SNAP91: variants seen among roughly 807,000 people sequenced by gnomAD.
SNAP91 encodes synaptosome associated protein 91, also known as clathrin coat assembly protein AP180.
SNAP91 carries 27 observed loss-of-function variants against 100.3 expected under a neutral mutation model. The observed-to-expected ratio is 0.27, with a 90% CI of 0.20 to 0.37. SNAP91 has a LOEUF of 0.37. Ranked by LOEUF, SNAP91 falls within the 10% of genes least tolerant of loss-of-function variation. The pLI is 1.00. For synonymous variants in SNAP91, 404 were observed against 398.6 expected, an observed-to-expected ratio of 1.01 and a Z score of -0.16; for missense variants, 986 against 1,123.7, an observed-to-expected ratio of 0.88 and a Z score of 1.75.
intron 14 of SNAP91, among the ~76,000 whole-genome samples, chr6:83,604,681 T>C (rs1010550684): frequency 1.3e-5 from 2 of 152,202 alleles, no homozygotes; most frequent in African/African-American, 4.8e-5. Flanking sequence ...TTGTTACAGA[T>C]CTTGTCTGCT....
In SNAP91 at chr6:83,593,175, G is replaced by A. The variant is rs1359175057; in HGVS notation, c.1774+7C>T. On this transcript the variant is annotated splice_region_variant and intron_variant, in intron 19 of 29. Coordinates refer to ENST00000369694, the MANE Select transcript of SNAP91 (RefSeq NM_001242792.2). ...AAAGTGAAAAAAAAGGGTTGCTTTG[G>A]TTTTACCTGTACTAAACAGGTCTAT... 14 of 1,580,420 alleles carry A rather than the reference G, an allele frequency of 8.9e-6. No individual in the cohort carries two copies. The highest frequency in any genetic ancestry group is 1.2e-5 in the Non-Finnish European group (14 of 1,162,536).
intron 26 of SNAP91, among the ~76,000 whole-genome samples, chr6:83,570,575 AT>A (rs1452247113): frequency 6.7e-6 from 1 of 149,388 alleles, no homozygotes; most frequent in African/African-American, 2.5e-5. Context: ...AAGTGGTTTC[AT>A]GGGCTGGGCC....
At chr6:83,686,584 A>C (rs944406556) in intron 2 of SNAP91, among the ~76,000 whole-genome samples, 7 of 152,250 alleles carry the variant, frequency 4.6e-5, no homozygotes, top group African/African-American at 1.7e-4. Flanking sequence ...ATATGGGAAA[A>C]TAATCACTTT....
intron 2 of SNAP91, among the ~76,000 whole-genome samples, chr6:83,700,828 G>A (rs2099287197): frequency 6.6e-6 from 1 of 152,000 alleles, no homozygotes; most frequent in Non-Finnish European, 1.5e-5. Context: ...AAACTCCTGG[G>A]CTAAACTGAT....
intron 8 of SNAP91, among the ~76,000 whole-genome samples, chr6:83,639,154 A>G (rs3798865): frequency 0.21 from 32,452 of 152,098 alleles, 4,288 homozygotes; most frequent in East Asian, 0.41. Flanking sequence ...TTTGAAAATC[A>G]TATTCTAGAA....
At chr6:83,658,099 T>C (rs1002843245) in intron 6 of SNAP91, among the ~76,000 whole-genome samples, 1 of 152,174 alleles carries the variant, frequency 6.6e-6, no homozygotes, top group East Asian at 1.9e-4. Flanking sequence ...TCAAAATTAA[T>C]TTTTTTATTT....
intron 2 of SNAP91, chr6:83,686,846 G>C (rs1413801295): frequency 6.6e-6 from 1 of 152,042 alleles, no homozygotes; most frequent in Non-Finnish European, 1.5e-5. Context: ...AAGCCTATTA[G>C]GAAAAAAGAG....
At chr6:83,623,808 G>A (rs2096827493) in intron 8 of SNAP91, among the ~76,000 whole-genome samples, 1 of 151,886 alleles carries the variant, frequency 6.6e-6, no homozygotes, top group Non-Finnish European at 1.5e-5. Flanking sequence ...GTTTCTTTAT[G>A]TATATTCAAG....
At chr6:83,650,628 G>C (rs1585632262) in intron 7 of SNAP91, among the ~76,000 whole-genome samples, 1 of 152,138 alleles carries the variant, frequency 6.6e-6, no homozygotes, top group East Asian at 1.9e-4. Flanking sequence ...ATCTTGGCCA[G>C]GCTGGTCTCG....
chr6:83,607,513 A>G (rs948591422), intron 13 of SNAP91, among the ~76,000 whole-genome samples, 186 bp downstream of exon 13: 3 of 152,172 alleles, frequency 2.0e-5, no homozygotes, highest in African/African-American at 4.8e-5. Context: ...GGTGATTTCT[A>G]TAGCTTAGGT....
At chr6:83,659,396 G>A (rs1429640265) in intron 5 of SNAP91, among the ~76,000 whole-genome samples, 2 of 151,384 alleles carry the variant, frequency 1.3e-5, no homozygotes, top group African/African-American at 4.8e-5. Context: ...CTATAATAAA[G>A]GTAATAGTGT....
chr6:83,656,275 G>T (rs2128696491), intron 7 of SNAP91, among the ~76,000 whole-genome samples: 1 of 152,226 alleles, frequency 6.6e-6, no homozygotes, highest in East Asian at 1.9e-4. Context: ...CCCACAAAAA[G>T]GCTCTTTCTA....
At chr6:83,649,590 GTTTGTTT>G (rs2098110553) in intron 7 of SNAP91, among the ~76,000 whole-genome samples, 1 of 151,912 alleles carries the variant, frequency 6.6e-6, no homozygotes, top group African/African-American at 2.4e-5. Flanking sequence ...TTGTTTGTTT[GTTTGTTT>G]TTGAGGTGAA....
At chr6:83,577,411 T>C (rs1820695684) in intron 24 of SNAP91, among the ~76,000 whole-genome samples, 1 of 152,198 alleles carries the variant, frequency 6.6e-6, no homozygotes, top group African/African-American at 2.4e-5. Flanking sequence ...TAAAACTAAA[T>C]ATATGTATAT....
chr6:83,564,746 A>G, intron 26 of SNAP91, among the ~76,000 whole-genome samples: 1 of 152,098 alleles, frequency 6.6e-6, no homozygotes, highest in Admixed American at 6.6e-5. Context: ...TATCATATTA[A>G]AAAACGAGCT....
intron 2 of SNAP91, among the ~76,000 whole-genome samples, chr6:83,702,690 C>T (rs2099328838): frequency 1.3e-5 from 2 of 151,292 alleles, no homozygotes; most frequent in Non-Finnish European, 2.9e-5. Flanking sequence ...TATCTGCTAA[C>T]CACACCAACT....
At chr6:83,668,972 T>C (rs866997962) in intron 2 of SNAP91, among the ~76,000 whole-genome samples, 13 of 152,032 alleles carry the variant, frequency 8.6e-5, no homozygotes, top group African/African-American at 2.7e-4. Context: ...TAGCTTAGCC[T>C]ACCTTAAATG....
intron 26 of SNAP91, among the ~76,000 whole-genome samples, chr6:83,564,864 T>C (rs1794398658): frequency 1.3e-5 from 2 of 151,948 alleles, no homozygotes; most frequent in South Asian, 4.2e-4. Context: ...TTTAAAAATA[T>C]GACACCAAAA....
chr6:83,636,220 G>A (rs1028303924), intron 8 of SNAP91, among the ~76,000 whole-genome samples: 4 of 152,138 alleles, frequency 2.6e-5, no homozygotes, highest in African/African-American at 9.7e-5. Context: ...TCTCCAGCAA[G>A]ACTGGGTAAA....
Sources: gnomAD v4.1 joint callset for allele counts (sites outside exome capture counted in the v4.1 genomes callset) on GRCh38, gnomAD v4.1.1 for gene constraint, MANE v1.5 for transcripts, NCBI Gene and HGNC (gene_info 2026-07-23, HGNC 2026-07-21) for gene names.